DENND2A: variants seen among roughly 807,000 people sequenced by gnomAD.
DENND2A encodes the protein DENN domain-containing protein 2A.
DENND2A carries 53 observed loss-of-function variants against 105.3 expected under a neutral mutation model. The observed-to-expected ratio is 0.50, with a 90% confidence interval of 0.40 to 0.63. DENND2A has a LOEUF of 0.63. Ranked by LOEUF, DENND2A falls within the 30% of genes least tolerant of loss-of-function variation. The pLI is 0.00. For synonymous variants in DENND2A, 522 were observed against 508.4 expected (o/e 1.03, Z -0.36); for missense variants, 1,138 against 1,279.6 (o/e 0.89, Z 1.69).
chr7:140,542,206 C>T (rs1041080778), intron 14 of DENND2A, among the ~76,000 whole-genome samples: 21 of 152,174 alleles, frequency 1.4e-4, no homozygotes, highest in African/African-American at 4.6e-4. Context: ...GCAAAGAAGG[C>T]TCTGATTCAG....
intron 9 of DENND2A, among the ~76,000 whole-genome samples, chr7:140,566,629 A>T (rs1797844940): frequency 6.6e-6 from 1 of 150,870 alleles, no homozygotes. Context: ...GGCAAAGAGG[A>T]TGGCACGGTC....
Position 140,601,792 on chromosome 7 carries a change from A to C in DENND2A, c.606T>G (p.Pro202=). The change falls in exon 3 of 20, where the codon CCT becomes CCG. Residue 202 remains proline (P), a synonymous_variant. Coordinates refer to ENST00000496613, the MANE Select transcript of DENND2A (RefSeq NM_015689.5). ...PDKAEAGSTL[P]ENLGGGSGSE... is the part of the protein sequence containing the mutation. ...AGCCACTCCCGCCTCCCAGGTTCTC[A>C]GGAAGGGTGGACCCTGCCTCTGCCT... 6.2e-7 allele frequency: 1 copy of C among 1,614,030 alleles called. No homozygotes were observed. Among genetic ancestry groups the C allele is most frequent in the Non-Finnish European group, 8.5e-7 (1 of 1,179,976 alleles).
At chr7:140,522,215 A>C in intron 17 of DENND2A, 115 bp from the exon 18 acceptor site, 1 of 1,353,236 alleles carries the variant, frequency 7.4e-7, no homozygotes, top group East Asian at 2.4e-5. Context: ...CTTGATGGAA[A>C]CTGCGATTAT....
chr7:140,552,782 C>T (rs1458776738), intron 12 of DENND2A, among the ~76,000 whole-genome samples: 2 of 152,028 alleles, frequency 1.3e-5, no homozygotes, highest in African/African-American at 4.8e-5. Flanking sequence ...CACAGCTCAC[C>T]ACAGCCTCGA....
chr7:140,569,911 T>G (rs1798024374), intron 6 of DENND2A, among the ~76,000 whole-genome samples, 173 bp from the exon 7 acceptor site: 1 of 151,862 alleles, frequency 6.6e-6, no homozygotes, highest in African/African-American at 2.4e-5. Context: ...TTTATTTTTT[T>G]GAGGCAGAGT....
At chr7:140,632,964 C>A (rs1294534274) in intron 1 of DENND2A, among the ~76,000 whole-genome samples, 1 of 147,628 alleles carries the variant, frequency 6.8e-6, no homozygotes, top group African/African-American at 2.5e-5. Flanking sequence ...TGGGTTCAAG[C>A]GATTCTCCTG....
chr7:140,589,360 G>C (rs926082459), intron 3 of DENND2A, among the ~76,000 whole-genome samples: 1 of 152,112 alleles, frequency 6.6e-6, no homozygotes, highest in African/African-American at 2.4e-5. Context: ...AGTACTGTGC[G>C]ATACCCAGGC....
intron 5 of DENND2A, among the ~76,000 whole-genome samples, chr7:140,585,215 C>A (rs149372958): frequency 6.6e-6 from 1 of 152,172 alleles, no homozygotes; most frequent in Non-Finnish European, 1.5e-5. Flanking sequence ...AAATCAACAA[C>A]AACAACCCAC....
rs995919943 is a variant in DENND2A, at chr7:140,602,445, T to C, written c.-48A>G. ...TGGAGGCCTTCCAGGGGACTCCTTC[T>C]GAAGCCTGACTCCTGATCAGTCTCT... On this transcript the variant is annotated 5_prime_UTR_variant, in exon 3 of 20. Coordinates refer to ENST00000496613, the MANE Select transcript of DENND2A (RefSeq NM_015689.5). 6.7e-7 allele frequency: 1 copy of C among 1,503,276 alleles called. No individual in the cohort carries two copies. The highest frequency in any genetic ancestry group is 8.8e-7 in the Non-Finnish European group (1 of 1,131,834). 93.1% of individuals were successfully genotyped at this position (1,503,276 alleles called of 1,614,324 possible).
At chr7:140,521,746 C>T (rs2130450543) in intron 18 of DENND2A, 109 bp downstream of exon 18, 1 of 1,529,212 alleles carries the variant, frequency 6.5e-7, no homozygotes, top group East Asian at 2.3e-5. Flanking sequence ...GGGAGATGGA[C>T]ACAGTCCTGT....
At chr7:140,575,595 G>C (rs1233334128) in intron 5 of DENND2A, among the ~76,000 whole-genome samples, 1 of 152,124 alleles carries the variant, frequency 6.6e-6, no homozygotes, top group Non-Finnish European at 1.5e-5. Context: ...AAATAACCTA[G>C]ATATCCATCA....
At position 140,559,720 on chromosome 7, in the gene DENND2A, T is replaced by G. The variant is rs1182401307; in HGVS notation, c.1877A>C (p.Gln626Pro). 6.2e-7 allele frequency: 1 copy of G among 1,613,976 alleles called. No homozygotes were observed. Among genetic ancestry groups the G allele is most frequent in the Middle Eastern group, 1.6e-4 (1 of 6,062 alleles). Residue 626 changes from glutamine (Q) to proline (P), a missense_variant, in exon 10 of 20, where the codon CAG (glutamine) becomes CCG (proline). Gln to Pro is a moderately conservative substitution (Grantham distance 76, BLOSUM62 -1). Transcript: ENST00000496613. This position sits in a 1 kb window ranked among gnomAD's most constrained non-coding sequence, Gnocchi z 4.1. ...AGCCAGCTCGTACCTGGTGAACTGC[T>G]GGACAGGAACCCAATCCTTGGCATC... ...FPDAKDWVPV[Q>P]QFTSETFSFV...
intron 6 of DENND2A, among the ~76,000 whole-genome samples, chr7:140,573,579 G>A (rs1046135012): frequency 1.3e-5 from 2 of 152,130 alleles, no homozygotes; most frequent in Non-Finnish European, 2.9e-5. Context: ...TAGACAAGCA[G>A]CTAAGATTGG....
intron 14 of DENND2A, among the ~76,000 whole-genome samples, chr7:140,538,590 T>A (rs902836535): frequency 9.2e-5 from 14 of 152,228 alleles, no homozygotes; most frequent in Admixed American, 2.6e-4. Context: ...CACTGCAACC[T>A]CCACCTCCCA....
chr7:140,591,372 G>T (rs957784830), intron 3 of DENND2A, among the ~76,000 whole-genome samples: 1 of 152,180 alleles, frequency 6.6e-6, no homozygotes, highest in South Asian at 2.1e-4. Flanking sequence ...TCATCAAAAG[G>T]TTTCTCAAAT....
intron 3 of DENND2A, 56 bp downstream of exon 3, chr7:140,601,347 A>G (rs1799475180): frequency 1.3e-6 from 2 of 1,523,982 alleles, no homozygotes; most frequent in Non-Finnish European, 1.8e-6. Flanking sequence ...ATGATGGGAC[A>G]CAAACCACTG....
At position 140,559,992 on chromosome 7, in the gene DENND2A, C is replaced by T. The variant is rs550417552; in HGVS notation, c.1780-175G>A. 2.0e-5 allele frequency among the ~76,000 whole-genome samples: 3 copies of T among 152,256 alleles called. 1 individual carries two copies. Among genetic ancestry groups the T allele is most frequent in the African/African-American group, 7.2e-5 (3 of 41,552 alleles). On this transcript the variant is annotated intron_variant, in intron 9 of 19. Transcript: ENST00000496613. This position sits in a 1 kb window ranked among gnomAD's most constrained non-coding sequence, Gnocchi z 4.1. The stretch of plus-strand genomic sequence containing the variant: ...GCTGGGGCATTTTCCCCCCAGTGCA[C>T]TTCCAACTATAGACCTCTGGGAGAA...
At chr7:140,546,591 A>C (rs1191597207) in intron 13 of DENND2A, among the ~76,000 whole-genome samples, 1 of 152,228 alleles carries the variant, frequency 6.6e-6, no homozygotes, top group East Asian at 1.9e-4. Flanking sequence ...GCCATAGCAT[A>C]GTTCTTGGGC....
intron 14 of DENND2A, among the ~76,000 whole-genome samples, chr7:140,531,822 A>AAACAAC (rs60323045): frequency 0.049 from 7,124 of 146,826 alleles, 233 homozygotes; most frequent in South Asian, 0.072. Flanking sequence ...TCTCAAAGGA[A>AAACAAC]AACAACAACA....
Sources: allele counts gnomAD v4.1 joint callset (sites outside exome capture counted in the v4.1 genomes callset), GRCh38; gene constraint gnomAD v4.1.1; non-coding constraint Gnocchi (gnomAD v3.1); transcripts MANE v1.5; gene names NCBI Gene and HGNC (gene_info 2026-07-23, HGNC 2026-07-21).